The following RRBP1 variants were observed in gnomAD, a reference collection of about 807,000 sequenced individuals.
RRBP1 encodes the protein ribosome binding protein 1.
A neutral mutation model predicts 165.2 loss-of-function variants in RRBP1; 94 were observed. That is an observed-to-expected ratio of 0.57 (90% CI 0.48 to 0.68). The LOEUF is 0.68. Ranked by LOEUF, RRBP1 falls within the 30% of genes least tolerant of loss-of-function variation. RRBP1 has a pLI of 0.00. For missense variants in RRBP1, 1,676 were observed against 1,763.0 expected (o/e 0.95, Z 0.88); for synonymous variants, 680 against 714.5 (o/e 0.95, Z 0.77).
rs1186628270 is a variant in RRBP1, at chr20:17,616,829, T to A, written c.3770A>T (p.Gln1257Leu). ...TACGTGGCTCTTCATTTCACTCAAC[T>A]GCTGCCTGACCTGGAACAGGAAGGG... ...QSDELALVRQ[Q>L]LSEMKSHVED... is the part of the protein sequence containing the mutation. The change falls in exon 21 of 25, where the codon CAG (glutamine) becomes CTG (leucine). Residue 1257 changes from glutamine to leucine, a missense_variant. Coordinates refer to ENST00000377813, the MANE Select transcript of RRBP1 (RefSeq NM_001365613.2). 6 of 1,612,730 alleles carry A rather than the reference T, an allele frequency of 3.7e-6. No homozygotes were observed. Among genetic ancestry groups the A allele is most frequent in the Non-Finnish European group, 5.1e-6 (6 of 1,179,310 alleles).
chr20:17,661,811 G>T (rs924393456), intron 2 of RRBP1, among the ~76,000 whole-genome samples: 12 of 152,112 alleles, frequency 7.9e-5, no homozygotes, highest in African/African-American at 2.7e-4. Context: ...CAGATACTGA[G>T]ATTCTTCTCC....
chr20:17,660,110 G>A lies in RRBP1; in HGVS notation c.398C>T (p.Ala133Val), dbSNP rs139985929. The A allele has an allele frequency of 5.6e-6, 9 of 1,613,980 alleles. No individual in the cohort carries two copies. The East Asian group carries it at 1.3e-4, about 24-fold the overall frequency. ...CTTCTTTTTGTCCTTGGGGGAGGAGGCCAGCTTCTCCTGGGGCATGGCTGG... is the reference window on the plus strand; with the variant it reads ...CTTCTTTTTGTCCTTGGGGGAGGAGACCAGCTTCTCCTGGGGCATGGCTGG... The part of the protein sequence containing the change: ...TVPAMPQEKL[A>V]SSPKDKKKKE... Residue 133 changes from alanine to valine, a missense_variant, in exon 3 of 25, where the codon GCC becomes GTC. This residue lies in a region of RRBP1 where 392 missense variants were observed against 382.5 expected (regional missense o/e 1.02). Coordinates refer to ENST00000377813, the MANE Select transcript of RRBP1 (RefSeq NM_001365613.2).
Position 17,660,413 on chromosome 20 carries a change from G to A in RRBP1, c.95C>T (p.Ser32Phe), listed in dbSNP as rs764174143. Residue 32 changes from serine to phenylalanine, a missense_variant, in exon 3 of 25, where the codon TCC becomes TTC. Ser to Phe is a radical substitution (Grantham distance 155). This residue lies in a region of RRBP1 where 392 missense variants were observed against 382.5 expected (regional missense o/e 1.02). Transcript: ENST00000377813. ...AIGIFLVSTF[S>F]MKETSYEEAL... ...TTCTTCATATGACGTTTCCTTCATG[G>A]AGAAAGTCGACACCAGGAAGATGCC... 2.2e-5 allele frequency: 35 copies of A among 1,613,926 alleles called. 1 individual carries two copies. In the Admixed American group the frequency reaches 4.5e-4, roughly 21 times the overall value.
At chr20:17,646,460 C>T (rs552039039) in intron 3 of RRBP1, among the ~76,000 whole-genome samples, 1 of 152,342 alleles carries the variant, frequency 6.6e-6, no homozygotes, top group Admixed American at 6.5e-5. Flanking sequence ...CAGCTCAGCT[C>T]CTTCCCACCT....
intron 8 of RRBP1, among the ~76,000 whole-genome samples, chr20:17,631,398 T>C (rs1186993728): frequency 2.0e-5 from 3 of 152,216 alleles, no homozygotes; most frequent in Non-Finnish European, 4.4e-5. Flanking sequence ...CTAACATTGA[T>C]TAGAACTCTG....
intron 2 of RRBP1, among the ~76,000 whole-genome samples, chr20:17,673,617 C>T (rs1355936607): frequency 6.6e-6 from 1 of 152,166 alleles, no homozygotes; most frequent in African/African-American, 2.4e-5. Context: ...CCATGTTGGC[C>T]AGGCTGGTCT....
chr20:17,660,865 G>A (rs2036753202), intron 2 of RRBP1, among the ~76,000 whole-genome samples: 1 of 152,196 alleles, frequency 6.6e-6, no homozygotes, highest in Non-Finnish European at 1.5e-5. Flanking sequence ...AAGATGCACA[G>A]GAGCACAAAC....
At position 17,641,688 on chromosome 20, in the gene RRBP1, G is replaced by C. The variant is rs868533404; in HGVS notation, c.2184+109C>G. 4 of 1,366,784 alleles carry C rather than the reference G, an allele frequency of 2.9e-6. No homozygotes were observed. The East Asian group carries it at 9.3e-5, about 32-fold the overall frequency. The allele number at this position is 1,366,784 out of a possible 1,614,324, so 84.7% of individuals were successfully genotyped here. The stretch of plus-strand genomic sequence containing the variant: ...ACTCAGCAGCCTGACAGCCAGCTAC[G>C]TTCCAGGCAGGCCCCAGCATCTCGG... On this transcript the variant is annotated intron_variant, in intron 5 of 24. Transcript: ENST00000377813.
chr20:17,638,852 G>A (rs1316695045), intron 5 of RRBP1, among the ~76,000 whole-genome samples: 1 of 152,014 alleles, frequency 6.6e-6, no homozygotes, highest in Non-Finnish European at 1.5e-5. Context: ...TGTAAGCTTT[G>A]AGGACTGTAG....
intron 1 of RRBP1, among the ~76,000 whole-genome samples, chr20:17,681,204 G>A (rs888337880): frequency 1.3e-5 from 2 of 148,860 alleles, no homozygotes; most frequent in South Asian, 2.1e-4. Flanking sequence ...GCCGCGGGCG[G>A]GGCGGGCCGG....
chr20:17,615,389 G>A lies in RRBP1; in HGVS notation c.4050+42C>T, dbSNP rs1008769337. 4.0e-6 allele frequency: 6 copies of A among 1,509,214 alleles called. No individual in the cohort carries two copies. In the African/African-American group the frequency reaches 7.0e-5, roughly 18 times the overall value. The allele number at this position is 1,509,214 out of a possible 1,614,324, so 93.5% of individuals were successfully genotyped here. A position where few individuals can be genotyped will look rare whatever the true frequency, so the allele number is the denominator to read the frequency against. ...GGCCAAGAGTGGCGCCAGCCCCAGA[G>A]CAGACCCTCCAGGTGTGACCCCCGC... On this transcript the variant is annotated intron_variant, in intron 23 of 24. Transcript: ENST00000377813.
chr20:17,633,674 A>G lies in RRBP1; in HGVS notation c.2457-61T>C, dbSNP rs139734726. 6.9e-4 allele frequency: 1,079 copies of G among 1,566,952 alleles called. 7 individuals carry two copies. The Middle Eastern group carries it at 0.011, about 16-fold the overall frequency. On this transcript the variant is annotated intron_variant, in intron 7 of 24. Transcript: ENST00000377813. The stretch of plus-strand genomic sequence containing the variant: ...AAAGGGTGATGGGATCGGTGGTCCA[A>G]GCCCTCCCTCCAGGACTCCAGCTCT...
intron 13 of RRBP1, among the ~76,000 whole-genome samples, chr20:17,623,872 G>C (rs1256766838): frequency 6.6e-6 from 1 of 151,774 alleles, no homozygotes; most frequent in African/African-American, 2.4e-5. Context: ...GCAGGGGTTG[G>C]AGTGACCTGA....
At chr20:17,645,258 C>A (rs961409357) in intron 3 of RRBP1, among the ~76,000 whole-genome samples, 5 of 152,256 alleles carry the variant, frequency 3.3e-5, no homozygotes, top group Admixed American at 3.3e-4. Context: ...ACATGCTCAC[C>A]CGCCGCAGGC....
At chr20:17,631,184 T>C (rs1457687445) in intron 8 of RRBP1, among the ~76,000 whole-genome samples, 3 of 152,248 alleles carry the variant, frequency 2.0e-5, no homozygotes, top group Non-Finnish European at 2.9e-5. Flanking sequence ...CTGCTTCTCC[T>C]CTGCCAGGTG....
In RRBP1 at chr20:17,643,029, T is replaced by C; in HGVS notation, c.2011A>G (p.Ile671Val). 1.9e-6 allele frequency: 3 copies of C among 1,614,064 alleles called. No homozygotes were observed. Among genetic ancestry groups the C allele is most frequent in the South Asian group, 1.1e-5 (1 of 91,074 alleles). ...VFNEGEAQRL[I>V]EILSEKAGII... Reference sequence around the variant, plus strand: ...CCAGCCTTCTCAGACAGGATCTCGATGAGCCGCTGGGCCTCGCCCTCGTTG... The same window carrying C: ...CCAGCCTTCTCAGACAGGATCTCGACGAGCCGCTGGGCCTCGCCCTCGTTG... Residue 671 changes from isoleucine (I) to valine (V), a missense_variant, in exon 4 of 25, where the codon ATC (isoleucine) becomes GTC (valine). This residue lies in a region of RRBP1 where 1,184 missense variants were observed against 1,167.1 expected (regional missense o/e 1.01). Transcript: ENST00000377813. The surrounding 1 kb of genome is among the most constrained non-coding windows in gnomAD (Gnocchi z 4.3).
chr20:17,657,449 T>C (rs1423612523), intron 3 of RRBP1, among the ~76,000 whole-genome samples: 1 of 152,218 alleles, frequency 6.6e-6, no homozygotes, highest in Non-Finnish European at 1.5e-5. Flanking sequence ...ACACAGGGCC[T>C]GTGCAGCCCG....
chr20:17,657,102 G>A (rs1198412224), intron 3 of RRBP1, among the ~76,000 whole-genome samples: 1 of 152,246 alleles, frequency 6.6e-6, no homozygotes, highest in South Asian at 2.1e-4. Flanking sequence ...TGATGTGGAA[G>A]AACCAAGTAA....
At position 17,643,390 on chromosome 20, in the gene RRBP1, C is replaced by T. The variant is rs1459872896; in HGVS notation, c.1913-263G>A. 6.8e-6 allele frequency among the ~76,000 whole-genome samples: 1 copy of T among 147,806 alleles called. No individual in the cohort carries two copies. Among genetic ancestry groups the T allele is most frequent in the Non-Finnish European group, 1.5e-5 (1 of 66,538 alleles). On this transcript the variant is annotated intron_variant, in intron 3 of 24. Coordinates refer to ENST00000377813, the MANE Select transcript of RRBP1 (RefSeq NM_001365613.2). The surrounding 1 kb of genome is among the most constrained non-coding windows in gnomAD (Gnocchi z 4.3). ...AGCCTGGGGTGGAAGTAGAGCTCCTCTTTTTTTTTTTCCACCATCAAGATG... is the reference window on the plus strand; with the variant it reads ...AGCCTGGGGTGGAAGTAGAGCTCCTTTTTTTTTTTTTCCACCATCAAGATG...
Sources: allele counts gnomAD v4.1 joint callset (sites outside exome capture counted in the v4.1 genomes callset), GRCh38; gene constraint gnomAD v4.1.1; regional missense constraint gnomAD v4.1.1; non-coding constraint Gnocchi (gnomAD v3.1); transcripts MANE v1.5; gene names NCBI Gene and HGNC (gene_info 2026-07-23, HGNC 2026-07-21).